The following DEDD variants were observed in gnomAD, a reference collection of about 807,000 sequenced individuals.
The protein encoded by DEDD is death effector domain containing, also known as death effector domain-containing protein.
Under a neutral mutation model 29.2 loss-of-function variants are expected in DEDD, and 3 were observed. The observed-to-expected ratio is 0.10, with a 90% confidence interval of 0.05 to 0.27. The LOEUF (loss-of-function observed/expected upper bound fraction) is 0.27. Ranked by LOEUF, DEDD falls within the 10% of genes least tolerant of loss-of-function variation. DEDD has a pLI of 1.00. For missense variants in DEDD, 261 were observed against 420.5 expected (o/e 0.62, Z 3.32); for synonymous variants, 152 against 161.3 (o/e 0.94, Z 0.44).
chr1:161,123,267 G>A, intron 4 of DEDD, 46 bp from the exon 5 acceptor site: 2 of 1,555,872 alleles, frequency 1.3e-6, no homozygotes, highest in African/African-American at 1.4e-5. Flanking sequence ...GGTAAAGGCA[G>A]AAATTCAAAC....
Position 161,122,126 on chromosome 1 carries a change from A to C in DEDD, c.*21T>G. 6.2e-7 allele frequency: 1 copy of C among 1,610,564 alleles called. No homozygotes were observed. The highest frequency in any genetic ancestry group is 2.2e-5 in the East Asian group (1 of 44,862). ...GAGGTGGGTGATGGGAACAGTCCCCAAAGTGAGAAGAGGGAATAGGTCAGG... is the reference window on the plus strand; with the variant it reads ...GAGGTGGGTGATGGGAACAGTCCCCCAAGTGAGAAGAGGGAATAGGTCAGG... On this transcript the variant is annotated 3_prime_UTR_variant, in exon 6 of 6. Transcript: ENST00000368006. This position sits in a 1 kb window ranked among gnomAD's most constrained non-coding sequence, Gnocchi z 4.2.
Position 161,122,733 on chromosome 1 carries a change from A to G in DEDD, c.581-210T>C, listed in dbSNP as rs892164512. ...CCCTTAAACGGGACATGCCGAGGTCAGCACTGTTCCCATTACTCACAGGTA... is the reference window on the plus strand; with the variant it reads ...CCCTTAAACGGGACATGCCGAGGTCGGCACTGTTCCCATTACTCACAGGTA... On this transcript the variant is annotated intron_variant, in intron 5 of 5. Transcript: ENST00000368006. The surrounding 1 kb of genome is among the most constrained non-coding windows in gnomAD (Gnocchi z 4.2). 5.9e-5 allele frequency among the ~76,000 whole-genome samples: 9 copies of G among 152,240 alleles called. No individual in the cohort carries two copies. The highest frequency in any genetic ancestry group is 1.0e-4 in the Non-Finnish European group (7 of 68,036).
At chr1:161,128,911 C>G (rs976559737) in intron 2 of DEDD, among the ~76,000 whole-genome samples, 1 of 152,196 alleles carries the variant, frequency 6.6e-6, no homozygotes, top group Non-Finnish European at 1.5e-5. Flanking sequence ...CTGTCACCTG[C>G]TGTTGCCATT....
rs1176405724 is a variant in DEDD, at chr1:161,124,369, T to C, written c.94A>G (p.Ile32Val). 2.5e-6 allele frequency: 4 copies of C among 1,614,044 alleles called. No homozygotes were observed. The highest frequency in any genetic ancestry group is 2.5e-6 in the Non-Finnish European group (3 of 1,180,048). The stretch of plus-strand genomic sequence containing the variant: ...CTGTGTGTCAGATGAGTGCCCACGA[T>C]GTCAAACATGCGGTGCAGGCTGTAC... ...GLYSLHRMFD[I>V]VGTHLTHRDV... The change falls in exon 3 of 6, where the codon ATC becomes GTC. Residue 32 changes from isoleucine to valine, a missense_variant. Around this residue, in one of 2 missense-constraint regions of DEDD, gnomAD observed 203 missense variants for 268.7 expected, o/e 0.76. Coordinates refer to ENST00000368006, the MANE Select transcript of DEDD (RefSeq NM_032998.3).
At position 161,123,879 on chromosome 1, in the gene DEDD, G is replaced by A. The variant is rs776189817; in HGVS notation, c.393C>T (p.Leu131=). The change falls in exon 4 of 6, where the codon CTC becomes CTT. Residue 131 remains leucine (L), a synonymous_variant. Transcript: ENST00000368006. ...TSIRYVTPRA[L]SDPEPRPPQP... ...GGGGAGGCCTTGGTTCTGGATCACT[G>A]AGGGCTCTGGGGGTCACATAGCGAA... 6.2e-6 allele frequency: 10 copies of A among 1,614,098 alleles called. No homozygotes were observed. The highest frequency in any genetic ancestry group is 1.7e-5 in the Admixed American group (1 of 60,010).
chr1:161,124,702 C>A, intron 2 of DEDD, 176 bp from the exon 3 acceptor site: 1 of 814,660 alleles, frequency 1.2e-6, no homozygotes, highest in Non-Finnish European at 1.7e-6. Flanking sequence ...GGGCTCACAC[C>A]TGTAATCCCA....
intron 2 of DEDD, chr1:161,125,133 A>C (rs1202114717): frequency 6.6e-6 from 1 of 152,254 alleles, no homozygotes; most frequent in East Asian, 1.9e-4. Flanking sequence ...TATCACTGAA[A>C]GGCTGTGTAG....
intron 2 of DEDD, among the ~76,000 whole-genome samples, chr1:161,128,247 T>G (rs911632469): frequency 1.3e-5 from 2 of 152,208 alleles, no homozygotes. Flanking sequence ...CTGATTATTA[T>G]GCCTGGTGGG....
At chr1:161,123,319 T>A in intron 4 of DEDD, 98 bp from the exon 5 acceptor site, 1 of 1,197,000 alleles carries the variant, frequency 8.4e-7, no homozygotes, top group Non-Finnish European at 1.2e-6. Context: ...GACTTAGCAC[T>A]AAAAGCAGTG....
intron 2 of DEDD, among the ~76,000 whole-genome samples, chr1:161,125,835 A>C (rs1253404087): frequency 6.6e-6 from 1 of 152,180 alleles, no homozygotes; most frequent in Non-Finnish European, 1.5e-5. Flanking sequence ...TTCCTCATGG[A>C]TGTCATTTAC....
chr1:161,124,572 C>T (rs1306754745), intron 2 of DEDD, 46 bp from the exon 3 acceptor site: 22 of 1,488,846 alleles, frequency 1.5e-5, no homozygotes, highest in Non-Finnish European at 1.9e-5. Context: ...AGGGCAGGAA[C>T]TAGTCTCATG....
intron 2 of DEDD, among the ~76,000 whole-genome samples, chr1:161,129,325 T>C (rs1656465370): frequency 6.6e-6 from 1 of 152,170 alleles, no homozygotes; most frequent in South Asian, 2.1e-4. Flanking sequence ...CCTCGCATGG[T>C]GGCTCACACT....
In DEDD at chr1:161,124,370, G is replaced by A; in HGVS notation, c.93C>T (p.Asp31=). The change falls in exon 3 of 6, where the codon GAC becomes GAT. Residue 31 remains aspartate (D), a synonymous_variant. Coordinates refer to ENST00000368006, the MANE Select transcript of DEDD (RefSeq NM_032998.3). ...HGLYSLHRMF[D]IVGTHLTHRD... ...TGTGTGTCAGATGAGTGCCCACGAT[G>A]TCAAACATGCGGTGCAGGCTGTACA... 3.7e-6 allele frequency: 6 copies of A among 1,614,194 alleles called. No individual in the cohort carries two copies. Among genetic ancestry groups the A allele is most frequent in the Non-Finnish European group, 5.1e-6 (6 of 1,180,048 alleles).
Position 161,122,301 on chromosome 1 carries a change from A to T in DEDD, c.803T>A (p.Leu268Ter). 1 of 1,614,234 alleles carries T rather than the reference A, an allele frequency of 6.2e-7. No individual in the cohort carries two copies. The highest frequency in any genetic ancestry group is 8.5e-7 in the Non-Finnish European group (1 of 1,180,052). Reference sequence around the variant, plus strand: ...GAAGACACCTTTAAGTGCCTCTAATAAAGAGCCATTGATGTAGTCACGCCA... The same window carrying T: ...GAAGACACCTTTAAGTGCCTCTAATTAAGAGCCATTGATGTAGTCACGCCA... ...AFWRDYINGS[L>*]LEALKGVFIT... The change falls in exon 6 of 6, where the codon TTA becomes TAA. Residue 268 changes from leucine (L) to a stop codon, truncating the protein, a stop_gained. Transcript: ENST00000368006. LOFTEE classifies it high-confidence loss of function. This position sits in a 1 kb window ranked among gnomAD's most constrained non-coding sequence, Gnocchi z 4.2.
At chr1:161,124,778 A>C (rs954685910) in intron 2 of DEDD, 3 of 269,994 alleles carry the variant, frequency 1.1e-5, no homozygotes, top group Non-Finnish European at 2.1e-5. Context: ...CCTGGGCAAC[A>C]TAGGGAGACC....
At position 161,132,638 on chromosome 1, in the gene DEDD, AGCC is replaced by A. The variant is rs534289963; in HGVS notation, c.-188_-186del. The A allele has an allele frequency of 1.5e-3, 252 of 166,026 alleles. No individual in the cohort carries two copies. The highest frequency in any genetic ancestry group is 2.7e-3 in the Middle Eastern group (1 of 374). 10.3% of individuals were successfully genotyped at this position (166,026 alleles called of 1,614,324 possible). A position where few individuals can be genotyped will look rare whatever the true frequency, so the allele number is the denominator to read the frequency against. The stretch of plus-strand genomic sequence containing the variant: ...CACGGCGCCGCATCCGGGCTCCAGC[AGCC>A]GCCGCCGCCGCCGCCGCCGCGGCCG... On this transcript the variant is annotated 5_prime_UTR_variant, in exon 1 of 6. Coordinates refer to ENST00000368006, the MANE Select transcript of DEDD (RefSeq NM_032998.3).
chr1:161,123,179 G>A lies in DEDD; in HGVS notation c.476C>T (p.Pro159Leu), dbSNP rs1339009294. ...YPVVCCPTSG[P>L]QMCSKRPARG... ...GGCTGGCCGCTTGCTACACATCTGA[G>A]GACCCGAAGTGGGGCAACACACCAC... is the stretch of plus-strand genomic sequence containing the variant. The change falls in exon 5 of 6, where the codon CCT becomes CTT. Residue 159 changes from proline (P) to leucine (L), a missense_variant. Physicochemically the swap from Pro to Leu is moderately conservative, Grantham distance 98. Coordinates refer to ENST00000368006, the MANE Select transcript of DEDD (RefSeq NM_032998.3). 2 of 1,614,174 alleles carry A rather than the reference G, an allele frequency of 1.2e-6. No individual in the cohort carries two copies. The highest frequency in any genetic ancestry group is 1.7e-6 in the Non-Finnish European group (2 of 1,180,036).
chr1:161,131,138 A>G (rs1179829484), intron 1 of DEDD: 15 of 152,188 alleles, frequency 9.9e-5, no homozygotes, highest in Admixed American at 5.2e-4. Flanking sequence ...GGGAAAACCA[A>G]TTACCCTCTG....
In DEDD at chr1:161,122,024, TAAAAAA is replaced by T. The variant is rs34197267; in HGVS notation, c.*117_*122del. ...TTCCACTTTCTTTTGTCTTTTTCTT[TAAAAAA>T]AAAAAAAAAAAGGCAGGGGTGTGAT... is the stretch of plus-strand genomic sequence containing the variant. On this transcript the variant is annotated 3_prime_UTR_variant, in exon 6 of 6. Transcript: ENST00000368006. This position sits in a 1 kb window ranked among gnomAD's most constrained non-coding sequence, Gnocchi z 4.2. The T allele has an allele frequency of 3.5e-5, 37 of 1,068,446 alleles. No individual in the cohort carries two copies. The highest frequency in any genetic ancestry group is 4.5e-5 in the Non-Finnish European group (35 of 782,086). The allele number at this position is 1,068,446 out of a possible 1,614,324, so 66.2% of individuals were successfully genotyped here.
Sources: allele counts gnomAD v4.1 joint callset (sites outside exome capture counted in the v4.1 genomes callset), GRCh38; gene constraint gnomAD v4.1.1; regional missense constraint gnomAD v4.1.1; non-coding constraint Gnocchi (gnomAD v3.1); transcripts MANE v1.5; gene names NCBI Gene and HGNC (gene_info 2026-07-23, HGNC 2026-07-21).